NAA35: variants seen among roughly 807,000 people sequenced by gnomAD.
NAA35 encodes the protein N-alpha-acetyltransferase 35, NatC auxiliary subunit.
In NAA35, 18 loss-of-function variants were observed where a neutral mutation model predicts 101.7. That is an observed-to-expected ratio of 0.18 (90% CI 0.12 to 0.26). The LOEUF (loss-of-function observed/expected upper bound fraction) is 0.26. Ranked by LOEUF, NAA35 falls within the 10% of genes least tolerant of loss-of-function variation. The pLI is 1.00. For synonymous variants in NAA35, 267 were observed against 273.1 expected (o/e 0.98, Z 0.22); for missense variants, 601 against 886.8 (o/e 0.68, Z 4.09).
chr9:85,945,117 A>T (rs995359762), intron 2 of NAA35, among the ~76,000 whole-genome samples: 1 of 152,168 alleles, frequency 6.6e-6, no homozygotes. Context: ...TTCTTTGTGA[A>T]GGAACCTTGA....
intron 17 of NAA35, chr9:86,014,341 G>T: frequency 1.0e-6 from 1 of 973,796 alleles, no homozygotes; most frequent in Non-Finnish European, 1.2e-6. Flanking sequence ...CACTTCAGGA[G>T]CTTTGGAGTT....
intron 11 of NAA35, among the ~76,000 whole-genome samples, chr9:85,980,839 C>T (rs1266235256): frequency 1.3e-5 from 2 of 151,900 alleles, no homozygotes; most frequent in Non-Finnish European, 2.9e-5. Flanking sequence ...CTTTTTTCGC[C>T]CCTCAACGAC....
At chr9:85,979,500 A>C (rs768968763) in intron 11 of NAA35, among the ~76,000 whole-genome samples, 6 of 152,224 alleles carry the variant, frequency 3.9e-5, no homozygotes, top group African/African-American at 1.4e-4. Context: ...AGCTAAGAAC[A>C]TAAAGTACAT....
intron 11 of NAA35, among the ~76,000 whole-genome samples, chr9:85,981,492 A>T (rs750416043): frequency 2.6e-5 from 4 of 152,116 alleles, no homozygotes; most frequent in Non-Finnish European, 5.9e-5. Context: ...CTGAGATGAT[A>T]ATTTCCGTGG....
intron 9 of NAA35, 115 bp downstream of exon 9, chr9:85,976,850 ATT>A: frequency 1.4e-6 from 1 of 720,754 alleles, no homozygotes; most frequent in Non-Finnish European, 2.2e-6. Context: ...TTCTTTAAAA[ATT>A]GGACATTGCA....
At chr9:85,966,576 C>T (rs1361850602) in intron 6 of NAA35, 2 of 1,149,998 alleles carry the variant, frequency 1.7e-6, no homozygotes, top group African/African-American at 3.2e-5. Flanking sequence ...TTTTTAACCT[C>T]ACCCACCTCT....
chr9:85,955,126 G>T (rs7020123), intron 2 of NAA35, among the ~76,000 whole-genome samples: 1 of 150,312 alleles, frequency 6.7e-6, no homozygotes, highest in African/African-American at 2.4e-5. Context: ...TGTGTTGGCC[G>T]TGCTGGTCTC....
At chr9:85,968,088 A>G (rs1205266759) in intron 6 of NAA35, among the ~76,000 whole-genome samples, 2 of 152,056 alleles carry the variant, frequency 1.3e-5, no homozygotes, top group Non-Finnish European at 2.9e-5. Flanking sequence ...AGATGCCTTG[A>G]ATCGGGGCAC....
rs762606173 is a variant in NAA35 at position 86,017,486 on chromosome 9, T to C, written c.1706-12T>C. The stretch of plus-strand genomic sequence containing the variant: ...AGATTATGGAAGATTACGTTTTTCT[T>C]TCTAATTACAGTTCGCCCATTGAGC... On this transcript the variant is annotated splice_polypyrimidine_tract_variant and intron_variant, in intron 18 of 22. Coordinates refer to ENST00000361671, the MANE Select transcript of NAA35 (RefSeq NM_024635.4). 9.3e-6 allele frequency: 15 copies of C among 1,612,796 alleles called. No homozygotes were observed. Among genetic ancestry groups the C allele is most frequent in the Non-Finnish European group, 1.3e-5 (15 of 1,179,070 alleles).
chr9:85,955,346 A>ATTTTT, intron 2 of NAA35, among the ~76,000 whole-genome samples: 1 of 69,376 alleles, frequency 1.4e-5, no homozygotes, highest in Middle Eastern at 6.2e-3. Context: ...ATATATATAT[A>ATTTTT]TATATATATA....
rs1045826225 is a variant in NAA35, at chr9:85,941,482, C to G, written c.-6+209C>G. On this transcript the variant is annotated intron_variant, in intron 1 of 22. Transcript: ENST00000361671. Reference sequence around the variant, plus strand: ...GCCCGGTGTTGCCGAGGCGACGACCCGGCGCCGGACGTGCCCGCCCTCCCG... The same window carrying G: ...GCCCGGTGTTGCCGAGGCGACGACCGGGCGCCGGACGTGCCCGCCCTCCCG... 5.1e-6 allele frequency: 5 copies of G among 985,436 alleles called. No homozygotes were observed. In the East Asian group the frequency reaches 5.7e-4, roughly 112 times the overall value. The allele number at this position is 985,436 out of a possible 1,614,324, so 61.0% of individuals were successfully genotyped here.
chr9:86,010,690 T>C (rs1831879242), intron 15 of NAA35, among the ~76,000 whole-genome samples: 1 of 148,196 alleles, frequency 6.7e-6, no homozygotes, highest in South Asian at 2.2e-4. Flanking sequence ...TTCTCCTGCC[T>C]CAGCCTCCCA....
chr9:85,956,364 A>T lies in NAA35; in HGVS notation c.129A>T (p.Leu43Phe). Residue 43 changes from leucine (L) to phenylalanine (F), a missense_variant, in exon 3 of 23, where the codon TTA becomes TTT. Physicochemically the swap from Leu to Phe is conservative, Grantham distance 22. Coordinates refer to ENST00000361671, the MANE Select transcript of NAA35 (RefSeq NM_024635.4). The stretch of plus-strand genomic sequence containing the variant: ...TTTTTCTCTTTTTTTTTTTAGAATT[A>T]AAGTTGGGAGAACTACTTCATGATA... ...TQDFEEACRELKLGELLHDKL... is the reference protein window; with the variant it reads ...TQDFEEACREFKLGELLHDKL... 1 of 1,388,656 alleles carries T rather than the reference A, an allele frequency of 7.2e-7. No homozygotes were observed. The highest frequency in any genetic ancestry group is 9.8e-7 in the Non-Finnish European group (1 of 1,021,148). The allele number at this position is 1,388,656 out of a possible 1,614,324, so 86.0% of individuals were successfully genotyped here. A position where few individuals can be genotyped will look rare whatever the true frequency, so the allele number is the denominator to read the frequency against.
intron 2 of NAA35, among the ~76,000 whole-genome samples, chr9:85,945,370 C>T (rs1310358040): frequency 6.6e-6 from 1 of 152,166 alleles, no homozygotes; most frequent in African/African-American, 2.4e-5. Context: ...ATTTTCCCGT[C>T]TTGGAATAAT....
intron 6 of NAA35, among the ~76,000 whole-genome samples, chr9:85,969,696 C>CA: frequency 6.6e-6 from 1 of 151,980 alleles, no homozygotes; most frequent in Admixed American, 6.6e-5. Context: ...ACCCCATCTA[C>CA]AAAAAATAAA....
rs758983734 is a variant in NAA35, at chr9:86,013,106, G to T, written c.1351G>T (p.Gly451Cys). Residue 451 changes from glycine (G) to cysteine (C), a missense_variant, in exon 16 of 23, where the codon GGT becomes TGT. Around this residue, in one of 8 missense-constraint regions of NAA35, gnomAD observed 99 missense variants for 206.7 expected, o/e 0.48. Transcript: ENST00000361671. ...HNRARQRDKLGHILEEFATLQ... is the reference protein window; with the variant it reads ...HNRARQRDKLCHILEEFATLQ... Reference sequence around the variant, plus strand: ...CAGGGCTCGACAGAGAGATAAGCTTGGTCATATTCTTGAGGAATTTGCCAC... The same window carrying T: ...CAGGGCTCGACAGAGAGATAAGCTTTGTCATATTCTTGAGGAATTTGCCAC... 3.1e-6 allele frequency: 5 copies of T among 1,594,028 alleles called. No individual in the cohort carries two copies. In the South Asian group the frequency reaches 5.7e-5, roughly 18 times the overall value.
At chr9:85,986,277 A>G (rs1423509869) in intron 11 of NAA35, among the ~76,000 whole-genome samples, 1 of 152,250 alleles carries the variant, frequency 6.6e-6, no homozygotes, top group Non-Finnish European at 1.5e-5. Flanking sequence ...GATAACTTAA[A>G]TCATAGTGGT....
Position 86,024,344 on chromosome 9 carries a change from C to T in NAA35, c.*2384C>T, listed in dbSNP as rs758504211. 4.6e-5 allele frequency among the ~76,000 whole-genome samples: 7 copies of T among 152,002 alleles called. No homozygotes were observed. The highest frequency in any genetic ancestry group is 3.9e-4 in the East Asian group (2 of 5,180). On this transcript the variant is annotated 3_prime_UTR_variant, in exon 23 of 23. Coordinates refer to ENST00000361671, the MANE Select transcript of NAA35 (RefSeq NM_024635.4). ...GAAGTATAGAGCAGGAAAAGGATGG[C>T]GGAGATGAGAGGCAAGGAGAAGCCG...
At chr9:85,980,358 G>A (rs1242739851) in intron 11 of NAA35, among the ~76,000 whole-genome samples, 1 of 147,418 alleles carries the variant, frequency 6.8e-6, no homozygotes, top group Non-Finnish European at 1.5e-5. Flanking sequence ...AAGTTGTGGG[G>A]TGGGGCTGAA....
Sources: allele counts gnomAD v4.1 joint callset (sites outside exome capture counted in the v4.1 genomes callset), GRCh38; gene constraint gnomAD v4.1.1; regional missense constraint gnomAD v4.1.1; transcripts MANE v1.5; gene names NCBI Gene and HGNC (gene_info 2026-07-23, HGNC 2026-07-21).